MORC2: variants seen among roughly 807,000 people sequenced by gnomAD.
The protein encoded by MORC2 is ATPase MORC2.
Under a neutral mutation model 136.0 loss-of-function variants are expected in MORC2, and 30 were observed. That is an observed-to-expected ratio of 0.22 (90% CI 0.17 to 0.30). The LOEUF is 0.30. MORC2 is among the 10% of genes least tolerant of loss of function. The pLI is 1.00. For missense variants in MORC2, 922 were observed against 1,333.1 expected (o/e 0.69, Z 4.80); for synonymous variants, 439 against 487.0 (o/e 0.90, Z 1.30).
chr22:30,933,369 T>G, intron 21 of MORC2, 97 bp downstream of exon 21: 1 of 1,365,892 alleles, frequency 7.3e-7, no homozygotes, highest in Non-Finnish European at 1.0e-6. Flanking sequence ...CAGGACAGAT[T>G]CAATGAGCCT....
At position 30,941,943 on chromosome 22, in the gene MORC2, T is replaced by C; in HGVS notation, c.646A>G (p.Ile216Val). 2 of 1,613,984 alleles carry C rather than the reference T, an allele frequency of 1.2e-6. No homozygotes were observed. Among genetic ancestry groups the C allele is most frequent in the East Asian group, 2.2e-5 (1 of 44,874 alleles). The change falls in exon 8 of 26, where the codon ATA becomes GTA. Residue 216 changes from isoleucine to valine, a missense_variant. Physicochemically the swap from Ile to Val is conservative, Grantham distance 29. Coordinates refer to ENST00000397641, the MANE Select transcript of MORC2 (RefSeq NM_001303256.3). The surrounding 1 kb of genome is among the most constrained non-coding windows in gnomAD (Gnocchi z 4.6). ...TGGATATCTCTTGGATTTGAGATTA[T>C]GTCTAGTTCTGGCTCTCCATTATCC... is the stretch of plus-strand genomic sequence containing the variant. ...LMDNGEPELD[I>V]ISNPRDIQMA...
rs1456824826 is a variant in MORC2, at chr22:30,932,149, C to G, written c.2841+210G>C. On this transcript the variant is annotated intron_variant, in intron 24 of 25. Transcript: ENST00000397641. This position sits in a 1 kb window ranked among gnomAD's most constrained non-coding sequence, Gnocchi z 4.4. ...TGGGAAGGGGTTGGCTTTCTGCACA[C>G]CAGAGTCATATCCAGCTAAGCCAAT... 1.9e-6 allele frequency: 1 copy of G among 536,002 alleles called. No homozygotes were observed. Among genetic ancestry groups the G allele is most frequent in the African/African-American group, 1.9e-5 (1 of 52,608 alleles). 33.2% of individuals were successfully genotyped at this position (536,002 alleles called of 1,614,324 possible).
At chr22:30,963,125 G>C (rs1161371978) in intron 1 of MORC2, 1 of 166,274 alleles carries the variant, frequency 6.0e-6, no homozygotes, top group Non-Finnish European at 1.2e-5. Context: ...ACAGGAGCCC[G>C]CAGCCACGCC....
intron 4 of MORC2, 36 bp downstream of exon 4, chr22:30,950,339 ACC>A (rs564452263): frequency 1.9e-6 from 1 of 539,974 alleles, no homozygotes; most frequent in Non-Finnish European, 3.5e-6. Context: ...GTTACATCGC[ACC>A]CCCCCACCCC....
chr22:30,956,495 T>A (rs2040969960), intron 3 of MORC2, among the ~76,000 whole-genome samples: 1 of 152,218 alleles, frequency 6.6e-6, no homozygotes. Context: ...ACTGTTCCAC[T>A]CCATCACTTC....
intron 2 of MORC2, among the ~76,000 whole-genome samples, chr22:30,958,216 C>T (rs1013484829): frequency 6.6e-6 from 1 of 152,166 alleles, no homozygotes; most frequent in African/African-American, 2.4e-5. Context: ...GACAAATATA[C>T]AATTTGAGAA....
intron 17 of MORC2, among the ~76,000 whole-genome samples, chr22:30,936,082 G>A (rs2040647305): frequency 6.6e-6 from 1 of 152,104 alleles, no homozygotes; most frequent in Admixed American, 6.5e-5. Context: ...AAACAATTAT[G>A]TGTATGTGTA....
chr22:30,967,678 A>T, intron 1 of MORC2, 144 bp downstream of exon 1: 3 of 1,461,586 alleles, frequency 2.1e-6, no homozygotes, highest in Non-Finnish European at 2.7e-6. Flanking sequence ...TTCAATACAG[A>T]GCTCAAGATA....
intron 25 of MORC2, 136 bp from the exon 26 acceptor site, chr22:30,927,007 C>T: frequency 1.5e-6 from 1 of 661,516 alleles, no homozygotes; most frequent in Non-Finnish European, 2.7e-6. Flanking sequence ...GGATGTCAGG[C>T]TTCTGTCCTG....
chr22:30,957,106 T>C (rs2040977562), intron 2 of MORC2, among the ~76,000 whole-genome samples: 1 of 152,222 alleles, frequency 6.6e-6, no homozygotes. Context: ...TTTCCCTTTA[T>C]ACCCTAAGAA....
intron 6 of MORC2, among the ~76,000 whole-genome samples, chr22:30,944,052 C>T (rs1245641372): frequency 6.6e-6 from 1 of 152,216 alleles, no homozygotes; most frequent in East Asian, 1.9e-4. Context: ...GCCACCAGGC[C>T]CGGCCCATTT....
intron 3 of MORC2, among the ~76,000 whole-genome samples, chr22:30,954,826 T>C (rs923752166): frequency 2.6e-5 from 4 of 152,252 alleles, no homozygotes; most frequent in African/African-American, 9.6e-5. Context: ...TTCTCTGCTT[T>C]AGCATCTGTG....
Position 30,967,758 on chromosome 22 carries a change from G to A in MORC2, c.68+64C>T. 3.9e-6 allele frequency: 6 copies of A among 1,544,140 alleles called. No individual in the cohort carries two copies. The South Asian group carries it at 4.8e-5, about 12-fold the overall frequency. ...AAAAAGCAAAATTTTCTGGGGAAAC[G>A]ATTTCCATATAATATCAAGGAACGA... On this transcript the variant is annotated intron_variant, in intron 1 of 25. Coordinates refer to ENST00000397641, the MANE Select transcript of MORC2 (RefSeq NM_001303256.3).
intron 1 of MORC2, chr22:30,963,299 C>A: frequency 1.0e-6 from 1 of 984,202 alleles, no homozygotes; most frequent in Non-Finnish European, 1.2e-6. Flanking sequence ...CTTCACAGAC[C>A]TAAACATCCT....
intron 4 of MORC2, 32 bp from the exon 5 acceptor site, chr22:30,949,874 G>C: frequency 1.9e-6 from 3 of 1,604,274 alleles, no homozygotes; most frequent in Non-Finnish European, 2.6e-6. Flanking sequence ...AAAGTGAAAA[G>C]TTTGCATTTC....
chr22:30,955,370 C>T lies in MORC2; in HGVS notation c.157+1393G>A, dbSNP rs190515597. Among the ~76,000 whole-genome samples the T allele has an allele frequency of 5.3e-5, 8 of 152,260 alleles. No homozygotes were observed. The East Asian group carries it at 1.4e-3, about 26-fold the overall frequency. On this transcript the variant is annotated intron_variant, in intron 3 of 25. Transcript: ENST00000397641. ...CCTTATTTTTACCACTTTGGCAGAG[C>T]CTTTTGAACAAAAGGCTTTCAGAAT...
chr22:30,934,045 AC>A lies in MORC2; in HGVS notation c.2325+14del. On this transcript the variant is annotated intron_variant, in intron 20 of 25. Coordinates refer to ENST00000397641, the MANE Select transcript of MORC2 (RefSeq NM_001303256.3). The surrounding 1 kb of genome is among the most constrained non-coding windows in gnomAD (Gnocchi z 4.4). ...TAGAGAGAGAGGCTTTGAGAACCTC[AC>A]CTCAACCACTCACCTCATTCGAGTC... The A allele has an allele frequency of 6.2e-7, 1 of 1,613,740 alleles. No homozygotes were observed. The highest frequency in any genetic ancestry group is 1.3e-5 in the African/African-American group (1 of 74,966).
In MORC2 at chr22:30,934,662, A is replaced by G; in HGVS notation, c.2193+119T>C. 7.2e-7 allele frequency: 1 copy of G among 1,395,408 alleles called. No homozygotes were observed. Among genetic ancestry groups the G allele is most frequent in the Non-Finnish European group, 9.7e-7 (1 of 1,027,458 alleles). 86.4% of individuals were successfully genotyped at this position (1,395,408 alleles called of 1,614,324 possible). A position where few individuals can be genotyped will look rare whatever the true frequency, so the allele number is the denominator to read the frequency against. The stretch of plus-strand genomic sequence containing the variant: ...AAGGCTTCCCGTCCTCAGGGGCAGC[A>G]GCAAAGCTTTAGATTCAGTATCTTC... On this transcript the variant is annotated intron_variant, in intron 19 of 25. Transcript: ENST00000397641. The surrounding 1 kb of genome is among the most constrained non-coding windows in gnomAD (Gnocchi z 4.4).
intron 3 of MORC2, among the ~76,000 whole-genome samples, chr22:30,951,787 T>G (rs2040890528): frequency 6.6e-6 from 1 of 152,190 alleles, no homozygotes; most frequent in Non-Finnish European, 1.5e-5. Flanking sequence ...CAAATAGACT[T>G]ATTAATGTAA....
Sources: allele counts gnomAD v4.1 joint callset (sites outside exome capture counted in the v4.1 genomes callset), GRCh38; gene constraint gnomAD v4.1.1; non-coding constraint Gnocchi (gnomAD v3.1); transcripts MANE v1.5; gene names NCBI Gene and HGNC (gene_info 2026-07-23, HGNC 2026-07-21).